ELAVL4: variants seen among roughly 807,000 people sequenced by gnomAD.
The protein encoded by ELAVL4 is ELAV-like protein 4.
In ELAVL4, 1 loss-of-function variant was observed where a neutral mutation model predicts 35.6. The observed-to-expected ratio is 0.03, with a 90% CI of 0.01 to 0.13. The LOEUF (loss-of-function observed/expected upper bound fraction) is 0.13. ELAVL4 is among the 10% of genes least tolerant of loss of function. ELAVL4 has a pLI of 1.00. For missense variants in ELAVL4, 267 were observed against 464.9 expected, an observed-to-expected ratio of 0.57 and a Z score of 3.91; for synonymous variants, 156 against 171.0, an observed-to-expected ratio of 0.91 and a Z score of 0.69.
chr1:50,152,202 A>C lies in ELAVL4; in HGVS notation c.250+7005A>C, dbSNP rs112703104. On this transcript the variant is annotated intron_variant, in intron 2 of 6. Transcript: ENST00000371824. ...TCCTGGCTGTGTTCCCCTTCATCTT[A>C]CCTTCCAAATCAGACAGTTCTGCCC... 2.2e-3 allele frequency among the ~76,000 whole-genome samples: 330 copies of C among 152,198 alleles called. 1 individual carries two copies. Among genetic ancestry groups the C allele is most frequent in the African/African-American group, 7.6e-3 (314 of 41,510 alleles).
intron 2 of ELAVL4, chr1:50,175,770 C>T (rs1679920353): frequency 6.6e-6 from 1 of 152,222 alleles, no homozygotes; most frequent in Admixed American, 6.5e-5. Context: ...CAGACATTTA[C>T]CAGCAAAACA....
chr1:50,149,705 G>T, intron 2 of ELAVL4, among the ~76,000 whole-genome samples: 1 of 151,840 alleles, frequency 6.6e-6, no homozygotes, highest in South Asian at 2.1e-4. Flanking sequence ...CACCACGCCT[G>T]GCTAATTTTT....
At position 50,121,553 on chromosome 1, in the gene ELAVL4, G is replaced by C. The variant is rs576331175; in HGVS notation, c.9+12355G>C. Among the ~76,000 whole-genome samples, 4 of 152,128 alleles carry C rather than the reference G, an allele frequency of 2.6e-5. No homozygotes were observed. In the South Asian group the frequency reaches 8.3e-4, roughly 32 times the overall value. On this transcript the variant is annotated intron_variant, in intron 1 of 6. Transcript: ENST00000371824. ...ATGAAGCTGTGGTGTTCCATATGGT[G>C]TTCAATATGTTCCTTACTTTTTTAT...
chr1:50,070,412 C>A (rs964684992), intron 1 of ELAVL4, among the ~76,000 whole-genome samples: 1 of 152,154 alleles, frequency 6.6e-6, no homozygotes, highest in South Asian at 2.1e-4. Context: ...TTTAACTACC[C>A]TGTGCTTTCA....
chr1:50,136,050 C>T (rs1671829506), intron 1 of ELAVL4, among the ~76,000 whole-genome samples: 1 of 152,096 alleles, frequency 6.6e-6, no homozygotes, highest in Non-Finnish European at 1.5e-5. Context: ...AAATATTAAC[C>T]TGAAGGGACT....
rs1331077069 is a variant in ELAVL4 at position 50,193,806 on chromosome 1, T to C, written c.396T>C (p.Ala132=). Residue 132 remains alanine (A), a synonymous_variant, in exon 4 of 7, where the codon GCT becomes GCC. Transcript: ENST00000371824. ...ARPSSASIRD[A]NLYVSGLPKT... is the part of the protein sequence containing the mutation. Reference sequence around the variant, plus strand: ...CGAGCTCTGCCTCAATCAGGGATGCTAACCTCTATGTTAGCGGCCTTCCCA... The same window carrying C: ...CGAGCTCTGCCTCAATCAGGGATGCCAACCTCTATGTTAGCGGCCTTCCCA... The C allele has an allele frequency of 3.1e-6, 5 of 1,613,964 alleles. No homozygotes were observed. Among genetic ancestry groups the C allele is most frequent in the African/African-American group, 2.7e-5 (2 of 74,902 alleles).
chr1:50,169,986 A>C (rs1415856626), intron 2 of ELAVL4, among the ~76,000 whole-genome samples: 3 of 152,164 alleles, frequency 2.0e-5, no homozygotes, highest in African/African-American at 7.2e-5. Flanking sequence ...TTTGGGGTCT[A>C]CCCATAGTGT....
chr1:50,143,265 A>G (rs1673127039), intron 1 of ELAVL4, among the ~76,000 whole-genome samples: 1 of 152,208 alleles, frequency 6.6e-6, no homozygotes, highest in Non-Finnish European at 1.5e-5. Flanking sequence ...TGTTATAGTA[A>G]ATGAAAATGC....
intron 2 of ELAVL4, among the ~76,000 whole-genome samples, chr1:50,162,829 C>T (rs113468031): frequency 1.3e-5 from 2 of 151,988 alleles, no homozygotes; most frequent in African/African-American, 4.9e-5. Flanking sequence ...AGTGATCCAC[C>T]TGCCTTGGCC....
At chr1:50,057,762 C>G (rs1223774471) in intron 1 of ELAVL4, among the ~76,000 whole-genome samples, 1 of 152,104 alleles carries the variant, frequency 6.6e-6, no homozygotes, top group East Asian at 1.9e-4. Context: ...TGCATGATGA[C>G]AAAATTGCCT....
chr1:50,201,417 G>C lies in ELAVL4; in HGVS notation c.*239G>C. 3.4e-6 allele frequency: 1 copy of C among 293,562 alleles called. No homozygotes were observed. Among genetic ancestry groups the C allele is most frequent in the South Asian group, 1.0e-4 (1 of 9,574 alleles). The allele number at this position is 293,562 out of a possible 1,614,324, so 18.2% of individuals were successfully genotyped here. On this transcript the variant is annotated 3_prime_UTR_variant, in exon 7 of 7. Transcript: ENST00000371824. This position sits in a 1 kb window ranked among gnomAD's most constrained non-coding sequence, Gnocchi z 4.3. The stretch of plus-strand genomic sequence containing the variant: ...AAAAAAAAAAACAAAAAATACCTTT[G>C]ATGCATTGAATGTTCTTTCATAGCT...
upstream of ELAVL4, among the ~76,000 whole-genome samples, chr1:50,106,895 T>C (rs1011407313): frequency 6.6e-6 from 1 of 152,220 alleles, no homozygotes; most frequent in African/African-American, 2.4e-5. Flanking sequence ...ATATACCTAA[T>C]GTTAATTTAT....
upstream of ELAVL4, chr1:50,108,787 C>A (rs920376065): frequency 5.2e-5 from 17 of 323,946 alleles, no homozygotes; most frequent in Non-Finnish European, 7.1e-5. Context: ...AAATCATTAA[C>A]ATCGTCAATC....
At chr1:50,157,098 G>A (rs1487079450) in intron 2 of ELAVL4, among the ~76,000 whole-genome samples, 1 of 152,048 alleles carries the variant, frequency 6.6e-6, no homozygotes, top group Non-Finnish European at 1.5e-5. Flanking sequence ...TGTAAGTCGG[G>A]GACGGTCTGT....
rs968752730 is a variant in ELAVL4, at chr1:50,109,746, T to C, written c.9+548T>C. On this transcript the variant is annotated intron_variant, in intron 1 of 6. Coordinates refer to ENST00000371824, the MANE Select transcript of ELAVL4 (RefSeq NM_001144774.3). The stretch of plus-strand genomic sequence containing the variant: ...TTTGGGCTTCAGTAAATGCTGCATC[T>C]TGTATTTCAAAGAGTTTCCTGTCAT... The C allele has an allele frequency of 4.3e-5, 27 of 630,708 alleles. No individual in the cohort carries two copies. In the African/African-American group the frequency reaches 5.0e-4, roughly 12 times the overall value. The allele number at this position is 630,708 out of a possible 1,614,324, so 39.1% of individuals were successfully genotyped here.
At chr1:50,153,853 A>G (rs1027084816) in intron 2 of ELAVL4, among the ~76,000 whole-genome samples, 9 of 152,238 alleles carry the variant, frequency 5.9e-5, no homozygotes, top group African/African-American at 2.2e-4. Context: ...TAAGAAGAGG[A>G]AGAGAGACTG....
intron 2 of ELAVL4, among the ~76,000 whole-genome samples, chr1:50,160,405 A>T (rs1326613532): frequency 1.3e-5 from 2 of 152,204 alleles, no homozygotes; most frequent in African/African-American, 2.4e-5. Flanking sequence ...AAGGGAAAAC[A>T]TACTTTTGTT....
At chr1:50,055,714 G>A (rs556000092) in intron 1 of ELAVL4, among the ~76,000 whole-genome samples, 1 of 152,064 alleles carries the variant, frequency 6.6e-6, no homozygotes, top group South Asian at 2.1e-4. Flanking sequence ...CCTCACGCCT[G>A]TAATCCCAGC....
chr1:50,065,209 A>G (rs912099286), intron 1 of ELAVL4, among the ~76,000 whole-genome samples: 4 of 152,210 alleles, frequency 2.6e-5, no homozygotes, highest in Non-Finnish European at 4.4e-5. Flanking sequence ...ATCAAATGAA[A>G]TAACATATCA....
Sources: allele counts gnomAD v4.1 joint callset (sites outside exome capture counted in the v4.1 genomes callset), GRCh38; gene constraint gnomAD v4.1.1; non-coding constraint Gnocchi (gnomAD v3.1); transcripts MANE v1.5; gene names NCBI Gene and HGNC (gene_info 2026-07-23, HGNC 2026-07-21).